The following FNDC3A variants were observed in gnomAD, a reference collection of about 807,000 sequenced individuals.
FNDC3A encodes fibronectin type III domain containing 3A.
Under a neutral mutation model 148.9 loss-of-function variants are expected in FNDC3A, and 32 were observed. The observed-to-expected ratio is 0.21, with a 90% CI of 0.16 to 0.29. The LOEUF is 0.29. FNDC3A is among the 10% of genes least tolerant of loss of function. The pLI is 1.00. For missense variants in FNDC3A, 1,191 were observed against 1,452.8 expected (o/e 0.82, Z 2.93); for synonymous variants, 472 against 473.6 (o/e 1.00, Z 0.04).
At chr13:49,162,917 G>GT (rs139955962) in intron 8 of FNDC3A, among the ~76,000 whole-genome samples, 152,326 of 152,332 alleles carry the variant, frequency 1, 76,160 homozygotes, top group Middle Eastern at 1. Flanking sequence ...TCCAGACCCT[G>GT]TTGCCTAGGT....
chr13:49,161,758 A>G (rs563431793), intron 8 of FNDC3A, among the ~76,000 whole-genome samples: 16 of 152,170 alleles, frequency 1.1e-4, no homozygotes, highest in African/African-American at 3.9e-4. Flanking sequence ...GTTCCTTTCC[A>G]TGTTTAGTGC....
chr13:49,165,708 T>C (rs1026436516), intron 8 of FNDC3A, among the ~76,000 whole-genome samples: 8 of 152,032 alleles, frequency 5.3e-5, no homozygotes, highest in Non-Finnish European at 1.0e-4. Flanking sequence ...GGTGGCCAGG[T>C]GGGTTCTTTG....
chr13:49,207,118 G>T lies in FNDC3A; in HGVS notation c.3320G>T (p.Ser1107Ile). The T allele has an allele frequency of 6.2e-7, 1 of 1,614,118 alleles. No individual in the cohort carries two copies. The highest frequency in any genetic ancestry group is 8.5e-7 in the Non-Finnish European group (1 of 1,179,990). The part of the protein sequence containing the change: ...KGPDSSFRYS[S>I]LQLNCEYRFR... Reference sequence around the variant, plus strand: ...CCCGACTCTTCCTTCCGGTATTCCAGCCTTCAGCTGAACTGTGAATATCGC... The same window carrying T: ...CCCGACTCTTCCTTCCGGTATTCCATCCTTCAGCTGAACTGTGAATATCGC... Residue 1107 changes from serine (S) to isoleucine (I), a missense_variant, in exon 26 of 26, where the codon AGC becomes ATC. Around this residue, in one of 3 missense-constraint regions of FNDC3A, gnomAD observed 751 missense variants for 944.0 expected, o/e 0.80. Coordinates refer to ENST00000492622, the MANE Select transcript of FNDC3A (RefSeq NM_001079673.2).
chr13:48,983,427 A>G (rs1338265578), intron 1 of FNDC3A, among the ~76,000 whole-genome samples: 1 of 152,158 alleles, frequency 6.6e-6, no homozygotes. Flanking sequence ...GGTAGTAAAT[A>G]TTTTAGGCAT....
At chr13:49,200,209 T>C (rs1258950398) in intron 23 of FNDC3A, among the ~76,000 whole-genome samples, 1 of 152,242 alleles carries the variant, frequency 6.6e-6, no homozygotes, top group African/African-American at 2.4e-5. Context: ...TGTTTGTATC[T>C]TAGCCAGGTA....
Position 49,178,454 on chromosome 13 carries a change from T to C in FNDC3A, c.1531-114T>C, listed in dbSNP as rs1036712212. 59 of 666,530 alleles carry C rather than the reference T, an allele frequency of 8.9e-5. No individual in the cohort carries two copies. In the African/African-American group the frequency reaches 1.1e-3, roughly 12 times the overall value. 41.3% of individuals were successfully genotyped at this position (666,530 alleles called of 1,614,324 possible). On this transcript the variant is annotated intron_variant, in intron 13 of 25. Transcript: ENST00000492622. ...AGGATTCCACTCAACAGAGCATTAGTCATATTGCACATAGTAGAAGATGAA... is the reference window on the plus strand; with the variant it reads ...AGGATTCCACTCAACAGAGCATTAGCCATATTGCACATAGTAGAAGATGAA...
chr13:49,106,590 C>T (rs188988222), intron 3 of FNDC3A, among the ~76,000 whole-genome samples: 8 of 152,170 alleles, frequency 5.3e-5, no homozygotes, highest in Admixed American at 2.0e-4. Flanking sequence ...GCATTACAGG[C>T]GCGAAGCAGC....
intron 2 of FNDC3A, among the ~76,000 whole-genome samples, chr13:49,024,368 A>G (rs1177764487): frequency 1.3e-5 from 2 of 151,932 alleles, no homozygotes; most frequent in East Asian, 1.9e-4. Flanking sequence ...GTTCCTAACC[A>G]TTTCCATGAG....
chr13:49,106,501 G>A (rs1205542413), intron 3 of FNDC3A, among the ~76,000 whole-genome samples: 1 of 152,092 alleles, frequency 6.6e-6, no homozygotes, highest in African/African-American at 2.4e-5. Context: ...TTTTTATGGA[G>A]ATGGGGTCTC....
intron 8 of FNDC3A, among the ~76,000 whole-genome samples, chr13:49,152,996 T>C (rs1378861612): frequency 2.0e-5 from 3 of 150,576 alleles, no homozygotes; most frequent in Admixed American, 6.6e-5. Flanking sequence ...CATGTGTCTT[T>C]ATAGCAGCAT....
chr13:48,978,189 A>T (rs192882504), intron 1 of FNDC3A, among the ~76,000 whole-genome samples: 9 of 152,178 alleles, frequency 5.9e-5, no homozygotes, highest in Admixed American at 5.2e-4. Flanking sequence ...ATTACTCTTT[A>T]CTAGTCACAT....
At chr13:48,996,420 G>A (rs1472106338) in intron 1 of FNDC3A, among the ~76,000 whole-genome samples, 1 of 152,082 alleles carries the variant, frequency 6.6e-6, no homozygotes, top group Non-Finnish European at 1.5e-5. Flanking sequence ...GGGAAAAAAT[G>A]GATTGTTGCA....
intron 2 of FNDC3A, among the ~76,000 whole-genome samples, chr13:49,015,075 G>A (rs1174383437): frequency 5.9e-5 from 9 of 152,110 alleles, no homozygotes; most frequent in African/African-American, 1.9e-4. Context: ...TTGACTTGGC[G>A]ATGCGGTCTC....
rs778094808 is a variant in FNDC3A at position 49,145,944 on chromosome 13, T to A, written c.977+9T>A. 9.4e-6 allele frequency: 15 copies of A among 1,594,884 alleles called. No homozygotes were observed. The South Asian group carries it at 1.5e-4, about 16-fold the overall frequency. On this transcript the variant is annotated intron_variant, in intron 8 of 25. Transcript: ENST00000492622. ...TACAAAAGTGTATATGTGTAGGTAT[T>A]TGTTGTTTTGCTTTCTCCCATTGTG...
chr13:49,074,495 TC>T (rs1425925020), intron 2 of FNDC3A, among the ~76,000 whole-genome samples: 9 of 152,194 alleles, frequency 5.9e-5, no homozygotes, highest in Non-Finnish European at 1.0e-4. Context: ...GACACTCACT[TC>T]AGCATTGTTC....
chr13:49,000,656 C>G (rs1952107932), intron 1 of FNDC3A, among the ~76,000 whole-genome samples: 1 of 152,128 alleles, frequency 6.6e-6, no homozygotes, highest in African/African-American at 2.4e-5. Context: ...CTGCAGATTG[C>G]TTTGGATAGT....
intron 8 of FNDC3A, among the ~76,000 whole-genome samples, chr13:49,166,278 T>G (rs561466848): frequency 1.3e-5 from 2 of 152,108 alleles, no homozygotes; most frequent in Admixed American, 1.3e-4. Context: ...TTGGAGTGCA[T>G]GAAGATGTGC....
rs1016665291 is a variant in FNDC3A at position 49,068,612 on chromosome 13, A to G, written c.100-6677A>G. 2.6e-5 allele frequency among the ~76,000 whole-genome samples: 4 copies of G among 152,222 alleles called. No individual in the cohort carries two copies. The East Asian group carries it at 7.7e-4, about 29-fold the overall frequency. ...TGAAGATACATGCATGCATCCATTC[A>G]TTGCCACACTATTCACAATAGCCAA... On this transcript the variant is annotated intron_variant, in intron 2 of 25. Coordinates refer to ENST00000492622, the MANE Select transcript of FNDC3A (RefSeq NM_001079673.2).
intron 3 of FNDC3A, among the ~76,000 whole-genome samples, chr13:49,095,647 TC>T (rs1255164301): frequency 6.6e-6 from 1 of 152,084 alleles, no homozygotes; most frequent in Non-Finnish European, 1.5e-5. Flanking sequence ...TAGAAGGATA[TC>T]CTGGTGAGAA....
Sources: allele counts gnomAD v4.1 joint callset (sites outside exome capture counted in the v4.1 genomes callset), GRCh38; gene constraint gnomAD v4.1.1; regional missense constraint gnomAD v4.1.1; transcripts MANE v1.5; gene names NCBI Gene and HGNC (gene_info 2026-07-23, HGNC 2026-07-21).